SORCS2: variants seen among roughly 807,000 people sequenced by gnomAD.
The protein encoded by SORCS2 is sortilin related VPS10 domain containing receptor 2.
SORCS2 carries 100 observed loss-of-function variants against 141.6 expected under a neutral mutation model. That is an observed-to-expected ratio of 0.71 (90% CI 0.60 to 0.83). The LOEUF (loss-of-function observed/expected upper bound fraction) is 0.83. Among genes scored for constraint, SORCS2 ranks in the 40% least tolerant of loss-of-function variants. SORCS2 has a pLI of 0.00. For missense variants in SORCS2, 1,646 were observed against 1,560.2 expected (o/e 1.05, Z -0.93); for synonymous variants, 789 against 676.9 (o/e 1.17, Z -2.57).
chr4:7,439,776 ACT>A (rs1443078227), intron 2 of SORCS2, among the ~76,000 whole-genome samples: 1 of 151,578 alleles, frequency 6.6e-6, no homozygotes, highest in African/African-American at 2.4e-5. Flanking sequence ...GCTTTCTCAC[ACT>A]CTATTTATCC....
intron 1 of SORCS2, among the ~76,000 whole-genome samples, chr4:7,303,295 G>A (rs1402473751): frequency 6.6e-6 from 1 of 152,156 alleles, no homozygotes; most frequent in Admixed American, 6.5e-5. Context: ...TTTTAATTGT[G>A]TCAGGAACTC....
chr4:7,200,316 C>CA (rs1283666740), intron 1 of SORCS2, among the ~76,000 whole-genome samples: 1 of 152,060 alleles, frequency 6.6e-6, no homozygotes, highest in African/African-American at 2.4e-5. Context: ...GGTCCCTCCC[C>CA]TGCCCTCCAA....
intron 3 of SORCS2, among the ~76,000 whole-genome samples, chr4:7,615,316 T>C (rs1159811683): frequency 1.3e-5 from 2 of 152,246 alleles, no homozygotes; most frequent in Admixed American, 6.5e-5. Context: ...GGACAAGTTG[T>C]GTACTGCACA....
rs191074923 is a variant in SORCS2 at position 7,228,324 on chromosome 4, T to C, written c.480+35198T>C. 1.6e-4 allele frequency among the ~76,000 whole-genome samples: 24 copies of C among 152,206 alleles called. No homozygotes were observed. The East Asian group carries it at 4.6e-3, about 29-fold the overall frequency. ...AAATAAATACAGACGCATCCTGGGG[T>C]GCAGGGTGTTAACTAGGGCTTCAAC... On this transcript the variant is annotated intron_variant, in intron 1 of 26. Coordinates refer to ENST00000507866, the MANE Select transcript of SORCS2 (RefSeq NM_020777.3).
At chr4:7,608,345 C>T (rs1051865307) in intron 3 of SORCS2, among the ~76,000 whole-genome samples, 7 of 152,206 alleles carry the variant, frequency 4.6e-5, no homozygotes, top group African/African-American at 1.7e-4. Flanking sequence ...GTTTCATCAT[C>T]GTCAGGGCCC....
intron 1 of SORCS2, among the ~76,000 whole-genome samples, chr4:7,282,306 A>G (rs1246043061): frequency 6.6e-6 from 1 of 152,224 alleles, no homozygotes; most frequent in Non-Finnish European, 1.5e-5. Context: ...CCAGAGTGAT[A>G]GACATGTTTT....
intron 3 of SORCS2, among the ~76,000 whole-genome samples, chr4:7,576,633 C>A (rs1715769180): frequency 6.6e-6 from 1 of 152,136 alleles, no homozygotes; most frequent in Admixed American, 6.5e-5. Flanking sequence ...GACGTGGTGA[C>A]AGAGGGACAC....
rs535868374 is a variant in SORCS2 at position 7,648,732 on chromosome 4, A to G, written c.814-5402A>G. ...AGCTTGGACCTGCCATGGTGGAGGA[A>G]GAGAGGCTAGAAACCAGGGACAGGC... On this transcript the variant is annotated intron_variant, in intron 4 of 26. Coordinates refer to ENST00000507866, the MANE Select transcript of SORCS2 (RefSeq NM_020777.3). The surrounding 1 kb of genome is among the most constrained non-coding windows in gnomAD (Gnocchi z 4.2). 6.6e-6 allele frequency among the ~76,000 whole-genome samples: 1 copy of G among 152,198 alleles called. No individual in the cohort carries two copies. Among genetic ancestry groups the G allele is most frequent in the East Asian group, 1.9e-4 (1 of 5,170 alleles).
intron 1 of SORCS2, among the ~76,000 whole-genome samples, chr4:7,242,823 T>C (rs1242978961): frequency 6.6e-6 from 1 of 152,236 alleles, no homozygotes; most frequent in East Asian, 1.9e-4. Context: ...AACATGTCTA[T>C]GAGCGCCCCA....
intron 2 of SORCS2, among the ~76,000 whole-genome samples, chr4:7,463,741 C>T (rs1179038637): frequency 6.6e-6 from 1 of 152,202 alleles, no homozygotes; most frequent in Non-Finnish European, 1.5e-5. Context: ...TCCTGCACCG[C>T]TCTGGAGCAC....
At position 7,445,683 on chromosome 4, in the gene SORCS2, A is replaced by G. The variant is rs1305939585; in HGVS notation, c.548+49328A>G. Among the ~76,000 whole-genome samples, 5 of 152,190 alleles carry G rather than the reference A, an allele frequency of 3.3e-5. No individual in the cohort carries two copies. The East Asian group carries it at 9.6e-4, about 29-fold the overall frequency. ...GGGCCTAAACGCTTCTCTAAGTGGC[A>G]TTGCTCAGGATGTTGTGGCCCTGGG... is the stretch of plus-strand genomic sequence containing the variant. On this transcript the variant is annotated intron_variant, in intron 2 of 26. Coordinates refer to ENST00000507866, the MANE Select transcript of SORCS2 (RefSeq NM_020777.3).
In SORCS2 at chr4:7,681,608, G is replaced by A. The variant is rs1723530215; in HGVS notation, c.1342-1135G>A. Among the ~76,000 whole-genome samples, 3 of 152,334 alleles carry A rather than the reference G, an allele frequency of 2.0e-5. No individual in the cohort carries two copies. The South Asian group carries it at 6.2e-4, about 32-fold the overall frequency. ...AGCTGTGGGAGAATACGTGTGTGTTGTCTGAAGCCACTGGGTTTGTGACCA... is the reference window on the plus strand; with the variant it reads ...AGCTGTGGGAGAATACGTGTGTGTTATCTGAAGCCACTGGGTTTGTGACCA... On this transcript the variant is annotated intron_variant, in intron 9 of 26. Transcript: ENST00000507866.
intron 17 of SORCS2, among the ~76,000 whole-genome samples, chr4:7,716,725 G>A (rs1726219683): frequency 6.6e-6 from 1 of 151,406 alleles, no homozygotes; most frequent in South Asian, 2.1e-4. Flanking sequence ...CTACCCATCT[G>A]TCTACCCATG....
chr4:7,439,933 C>G (rs558084230), intron 2 of SORCS2, among the ~76,000 whole-genome samples: 7 of 152,186 alleles, frequency 4.6e-5, no homozygotes, highest in African/African-American at 1.7e-4. Flanking sequence ...TGAGCAGATT[C>G]CCCAGGACTT....
intron 3 of SORCS2, among the ~76,000 whole-genome samples, chr4:7,532,698 T>G (rs1235664195): frequency 6.6e-6 from 1 of 151,598 alleles, no homozygotes; most frequent in Non-Finnish European, 1.5e-5. Flanking sequence ...CAGCAGTCTA[T>G]GGAACGAGGG....
At chr4:7,254,622 C>G (rs1037640973) in intron 1 of SORCS2, among the ~76,000 whole-genome samples, 15 of 152,134 alleles carry the variant, frequency 9.9e-5, no homozygotes, top group African/African-American at 3.6e-4. Context: ...CAAAATTGCA[C>G]ATGTGCCCTA....
chr4:7,694,047 C>T (rs1724437211), intron 11 of SORCS2, among the ~76,000 whole-genome samples: 1 of 152,230 alleles, frequency 6.6e-6, no homozygotes, highest in Non-Finnish European at 1.5e-5. Context: ...GTCTCGGGAG[C>T]CATTGGCGTC....
intron 1 of SORCS2, among the ~76,000 whole-genome samples, chr4:7,260,336 T>G (rs945826418): frequency 5.9e-5 from 9 of 152,006 alleles, no homozygotes; most frequent in East Asian, 1.9e-4. Flanking sequence ...GGAGCCACAC[T>G]TACTCTCTGC....
chr4:7,226,487 C>T (rs4689659), intron 1 of SORCS2, among the ~76,000 whole-genome samples: 36,361 of 151,876 alleles, frequency 0.24, 4,415 homozygotes, highest in Middle Eastern at 0.25. Flanking sequence ...CTGTGACGGC[C>T]GGGTGAGTGG....
Sources: gnomAD v4.1 joint callset for allele counts (sites outside exome capture counted in the v4.1 genomes callset) on GRCh38, gnomAD v4.1.1 for gene constraint, Gnocchi (gnomAD v3.1) non-coding constraint, MANE v1.5 for transcripts, NCBI Gene and HGNC (gene_info 2026-07-23, HGNC 2026-07-21) for gene names.